Variants in LIPE observed in about 807,000 individuals in gnomAD.
LIPE encodes the protein lipase E, hormone sensitive type.
Under a neutral mutation model 88.5 loss-of-function variants are expected in LIPE, and 66 were observed. That is an observed-to-expected ratio of 0.75 (90% CI 0.61 to 0.91). The LOEUF is 0.91. LIPE is among the 40% of genes least tolerant of loss of function. The pLI, the probability that LIPE is intolerant of heterozygous loss-of-function variation, is 0.00. For missense variants in LIPE, 1,346 were observed against 1,434.7 expected, an observed-to-expected ratio of 0.94 and a Z score of 1.00; for synonymous variants, 570 against 617.5, an observed-to-expected ratio of 0.92 and a Z score of 1.14.
intron 1 of LIPE, among the ~76,000 whole-genome samples, chr19:42,417,079 C>A (rs888793236): frequency 6.6e-6 from 1 of 152,152 alleles, no homozygotes; most frequent in Non-Finnish European, 1.5e-5. Flanking sequence ...CGCCACCACA[C>A]CTGGCTAATT....
At chr19:42,402,525 T>C in intron 9 of LIPE, 82 bp downstream of exon 9, 1 of 1,274,752 alleles carries the variant, frequency 7.8e-7, no homozygotes, top group African/African-American at 1.5e-5. Flanking sequence ...TTTTCCCAGG[T>C]GTACCCGTGC....
chr19:42,405,965 C>CTG, intron 7 of LIPE, 196 bp downstream of exon 7: 1 of 550,372 alleles, frequency 1.8e-6, no homozygotes, highest in Admixed American at 3.3e-5. Flanking sequence ...CTGTCTGTCT[C>CTG]TCTCTCTCTC....
chr19:42,424,618 G>A (rs2040674070), intron 1 of LIPE: 4 of 456,216 alleles, frequency 8.8e-6, no homozygotes, highest in Middle Eastern at 3.2e-4. Flanking sequence ...ATCAGCTGTG[G>A]GAGAGACAAG....
chr19:42,423,746 C>G, intron 1 of LIPE: 1 of 1,126,696 alleles, frequency 8.9e-7, no homozygotes, highest in Non-Finnish European at 1.1e-6. Flanking sequence ...GCTCCGCCCC[C>G]TACCGCGCAT....
chr19:42,423,613 C>T, intron 1 of LIPE: 1 of 1,192,106 alleles, frequency 8.4e-7, no homozygotes. Flanking sequence ...TCGCTACACA[C>T]TACTGTCGGG....
At chr19:42,422,708 G>T (rs2040622605) in intron 1 of LIPE, among the ~76,000 whole-genome samples, 2 of 152,092 alleles carry the variant, frequency 1.3e-5, no homozygotes, top group Admixed American at 6.6e-5. Flanking sequence ...CCTTTGTTCC[G>T]CCTTTTGAGA....
intron 1 of LIPE, among the ~76,000 whole-genome samples, chr19:42,419,115 C>G (rs544531708): frequency 1.0e-3 from 158 of 152,188 alleles, no homozygotes; most frequent in Non-Finnish European, 8.8e-4. Flanking sequence ...CCTGTCTCTA[C>G]TAAAAATACA....
Position 42,405,976 on chromosome 19 carries a change from T to A in LIPE, c.2365+185A>T, listed in dbSNP as rs917197041. ...GTGTCTGTCTGTCTCTCTCTCTCTC[T>A]CACACACACACACACACACACACAC... On this transcript the variant is annotated intron_variant, in intron 7 of 9. Transcript: ENST00000244289. The A allele has an allele frequency of 8.5e-3, 3,518 of 416,164 alleles. 9 individuals are homozygous for A. Among genetic ancestry groups the A allele is most frequent in the Non-Finnish European group, 0.011 (2,500 of 231,636 alleles). The allele number at this position is 416,164 out of a possible 1,614,324, so 25.8% of individuals were successfully genotyped here. A position where few individuals can be genotyped will look rare whatever the true frequency, so the allele number is the denominator to read the frequency against.
In LIPE at chr19:42,402,589, G is replaced by A. The variant is rs34274496; in HGVS notation, c.2967+18C>T. On this transcript the variant is annotated intron_variant, in intron 9 of 9. Coordinates refer to ENST00000244289, the MANE Select transcript of LIPE (RefSeq NM_005357.4). The stretch of plus-strand genomic sequence containing the variant: ...CTCTTCTCTAAATGCACCTGTACCG[G>A]CCCCCTCTGTCGCTCACCACGATGT... 28 of 1,469,104 alleles carry A rather than the reference G, an allele frequency of 1.9e-5. No individual in the cohort carries two copies. In the African/African-American group the frequency reaches 3.4e-4, roughly 18 times the overall value. 91.0% of individuals were successfully genotyped at this position (1,469,104 alleles called of 1,614,324 possible). A position where few individuals can be genotyped will look rare whatever the true frequency, so the allele number is the denominator to read the frequency against.
chr19:42,424,690 A>G (rs1242245894), intron 1 of LIPE: 1 of 453,578 alleles, frequency 2.2e-6, no homozygotes, highest in Admixed American at 2.4e-5. Context: ...GGCCTCACAG[A>G]TACCCTCAGC....
intron 1 of LIPE, chr19:42,423,686 T>C: frequency 8.7e-7 from 1 of 1,144,396 alleles, no homozygotes; most frequent in Non-Finnish European, 1.1e-6. Context: ...CCAATTCTGG[T>C]CTCCCTCCGC....
chr19:42,413,456 C>G (rs1411110766), intron 1 of LIPE, among the ~76,000 whole-genome samples: 5 of 152,110 alleles, frequency 3.3e-5, no homozygotes, highest in Non-Finnish European at 5.9e-5. Flanking sequence ...ATGAGGTCAG[C>G]AGATCAAGAC....
At chr19:42,422,966 C>G (rs1406926868) in intron 1 of LIPE, 1 of 172,346 alleles carries the variant, frequency 5.8e-6, no homozygotes, top group Non-Finnish European at 1.3e-5. Context: ...TATGGGCACC[C>G]CTTCCTCCTA....
Position 42,408,207 on chromosome 19 carries a change from C to T in LIPE, c.1510+25G>A, listed in dbSNP as rs184562341. On this transcript the variant is annotated intron_variant, in intron 3 of 9. Transcript: ENST00000244289. This position sits in a 1 kb window ranked among gnomAD's most constrained non-coding sequence, Gnocchi z 4.3. ...GGAGGAGGGCCAAGAGAGTAGGCTGCGAGTAGAACCTGGCTGGGACTCACT... is the reference window on the plus strand; with the variant it reads ...GGAGGAGGGCCAAGAGAGTAGGCTGTGAGTAGAACCTGGCTGGGACTCACT... The T allele has an allele frequency of 7.4e-6, 12 of 1,613,546 alleles. No homozygotes were observed. The highest frequency in any genetic ancestry group is 6.7e-5 in the East Asian group (3 of 44,866).
At chr19:42,402,217 G>C in intron 9 of LIPE, 142 bp from the exon 10 acceptor site, 3 of 795,522 alleles carry the variant, frequency 3.8e-6, no homozygotes, top group Non-Finnish European at 5.5e-6. Context: ...AGACATGGTG[G>C]GTGAGGAGTT....
chr19:42,405,512 C>T lies in LIPE; in HGVS notation c.2415G>A (p.Met805Ile). The change falls in exon 8 of 10, where the codon ATG becomes ATA. Residue 805 changes from methionine (M) to isoleucine (I), a missense_variant. Met to Ile is a conservative substitution (Grantham distance 10, BLOSUM62 1). Coordinates refer to ENST00000244289, the MANE Select transcript of LIPE (RefSeq NM_005357.4). ...HSNSDQKALG[M>I]MGLVRRDTAL... is the part of the protein sequence containing the mutation. ...CTGTGTCCCGCCGCACCAGCCCCATCATGCCGAGGGCTTTCTGGTCTGAGT... is the reference window on the plus strand; with the variant it reads ...CTGTGTCCCGCCGCACCAGCCCCATTATGCCGAGGGCTTTCTGGTCTGAGT... The T allele has an allele frequency of 6.2e-7, 1 of 1,614,210 alleles. No homozygotes were observed. The highest frequency in any genetic ancestry group is 1.7e-5 in the Admixed American group (1 of 60,026).
rs1275447841 is a variant in LIPE at position 42,410,113 on chromosome 19, T to C, written c.1419+194A>G. On this transcript the variant is annotated intron_variant, in intron 2 of 9. Coordinates refer to ENST00000244289, the MANE Select transcript of LIPE (RefSeq NM_005357.4). This position sits in a 1 kb window ranked among gnomAD's most constrained non-coding sequence, Gnocchi z 6.1. ...TGCATTTCTTACCACCTAGCAGATA[T>C]GACCTAGGGACCATGAGTTTGAGAC... 6.6e-6 allele frequency among the ~76,000 whole-genome samples: 1 copy of C among 152,216 alleles called. No homozygotes were observed. The highest frequency in any genetic ancestry group is 2.4e-5 in the African/African-American group (1 of 41,446).
Position 42,402,735 on chromosome 19 carries a change from G to A in LIPE, c.2839C>T (p.Pro947Ser), listed in dbSNP as rs2040024828. 20 of 1,566,670 alleles carry A rather than the reference G, an allele frequency of 1.3e-5. No homozygotes were observed. Among genetic ancestry groups the A allele is most frequent in the Non-Finnish European group, 1.7e-5 (19 of 1,150,628 alleles). ...GTGGCACCCTGGCTGGAGCGTCGGG[G>A]GTGGAAACCCTCGGGGAAGGCGGCA... ...VRAAFPEGFH[P>S]RRSSQGATQM... The change falls in exon 9 of 10, where the codon CCC becomes TCC. Residue 947 changes from proline to serine, a missense_variant. Physicochemically the swap from Pro to Ser is moderately conservative, Grantham distance 74. Transcript: ENST00000244289.
intron 1 of LIPE, among the ~76,000 whole-genome samples, chr19:42,415,810 G>GA (rs756329700): frequency 4.1e-3 from 557 of 135,198 alleles, no homozygotes; most frequent in Middle Eastern, 7.3e-3. Context: ...ACTCCGTCTG[G>GA]AAAAAAAAAA....
Sources: gnomAD v4.1 joint callset for allele counts (sites outside exome capture counted in the v4.1 genomes callset) on GRCh38, gnomAD v4.1.1 for gene constraint, Gnocchi (gnomAD v3.1) non-coding constraint, MANE v1.5 for transcripts, NCBI Gene and HGNC (gene_info 2026-07-23, HGNC 2026-07-21) for gene names.